The following PGCKA1 variants were observed in gnomAD, a reference collection of about 807,000 sequenced individuals.
PGCKA1 encodes the protein PDCD10 and GCKIII kinases associated 1.
chr4:37,509,392 A>T, the PGCKA1 span, among the ~76,000 whole-genome samples: 1 of 133,508 alleles, frequency 7.5e-6, no homozygotes, highest in Admixed American at 7.3e-5. Context: ...CGTTCCTCAC[A>T]TCCCAGACGG....
the PGCKA1 span, among the ~76,000 whole-genome samples, chr4:37,489,772 C>T: frequency 6.6e-6 from 1 of 152,154 alleles, no homozygotes. Context: ...AATGATTAGA[C>T]TCCTTGACTT....
At chr4:37,530,739 GACCTAAGCGGGCGGT>G in the PGCKA1 span, among the ~76,000 whole-genome samples, 16 of 152,078 alleles carry the variant, frequency 1.1e-4, no homozygotes, top group Non-Finnish European at 2.2e-4. Flanking sequence ...CACTTTGGGA[GACCTAAGCGGGCGGT>G]TCACTTGAGG....
chr4:37,576,590 G>C, the PGCKA1 span, among the ~76,000 whole-genome samples: 3 of 152,010 alleles, frequency 2.0e-5, no homozygotes, highest in African/African-American at 7.2e-5. Context: ...TTGTCTGATT[G>C]CTCTAGCTAG....
At chr4:37,587,663 T>C in the PGCKA1 span, among the ~76,000 whole-genome samples, 1 of 152,186 alleles carries the variant, frequency 6.6e-6, no homozygotes, top group Non-Finnish European at 1.5e-5. Context: ...GATTCTGTTT[T>C]GGCTTGTCTT....
At chr4:37,540,597 G>T in the PGCKA1 span, among the ~76,000 whole-genome samples, 1 of 152,168 alleles carries the variant, frequency 6.6e-6, no homozygotes, top group Non-Finnish European at 1.5e-5. Flanking sequence ...GCAAAGTAGT[G>T]GTTAACTTCT....
At chr4:37,496,586 G>A in the PGCKA1 span, among the ~76,000 whole-genome samples, 2 of 152,124 alleles carry the variant, frequency 1.3e-5, no homozygotes, top group African/African-American at 4.8e-5. Flanking sequence ...GGCCATTTGG[G>A]CTCTTTTTGG....
At chr4:37,535,373 G>C in the PGCKA1 span, among the ~76,000 whole-genome samples, 3 of 152,204 alleles carry the variant, frequency 2.0e-5, no homozygotes, top group Admixed American at 6.5e-5. Flanking sequence ...GGGTGACAGA[G>C]TGAGACCCTG....
At chr4:37,528,569 G>A in the PGCKA1 span, among the ~76,000 whole-genome samples, 2 of 152,146 alleles carry the variant, frequency 1.3e-5, no homozygotes, top group South Asian at 2.1e-4. Context: ...GAGGACAAAC[G>A]CCTGGCACTA....
the PGCKA1 span, among the ~76,000 whole-genome samples, chr4:37,478,142 ACC>A: frequency 3.4e-5 from 2 of 59,558 alleles, no homozygotes; most frequent in African/African-American, 1.1e-4. Flanking sequence ...TTTTAAAAAC[ACC>A]CCCCCCCACC....
the PGCKA1 span, among the ~76,000 whole-genome samples, chr4:37,494,512 A>C: frequency 1.3e-5 from 2 of 152,148 alleles, no homozygotes; most frequent in African/African-American, 4.8e-5. Context: ...AATTTTCTTT[A>C]TCCAGTCTGC....
chr4:37,541,518 C>A, the PGCKA1 span, among the ~76,000 whole-genome samples: 1 of 152,202 alleles, frequency 6.6e-6, no homozygotes, highest in Non-Finnish European at 1.5e-5. Context: ...CTACCAGCCC[C>A]TCTTAGGGGC....
chr4:37,575,615 G>A, the PGCKA1 span, among the ~76,000 whole-genome samples: 1 of 151,916 alleles, frequency 6.6e-6, no homozygotes, highest in Non-Finnish European at 1.5e-5. Flanking sequence ...TGTGATCTTT[G>A]TTGTCCATTG....
the PGCKA1 span, among the ~76,000 whole-genome samples, chr4:37,530,539 A>G: frequency 7.3e-6 from 1 of 136,932 alleles, no homozygotes; most frequent in Non-Finnish European, 1.5e-5. Flanking sequence ...ATGCCCCTGC[A>G]CTCCAGCCTG....
the PGCKA1 span, among the ~76,000 whole-genome samples, chr4:37,587,064 G>A: frequency 6.6e-6 from 1 of 152,174 alleles, no homozygotes; most frequent in Non-Finnish European, 1.5e-5. Flanking sequence ...GAGGCTCCAG[G>A]GGTGAATCTG....
chr4:37,554,486 T>C, the PGCKA1 span, among the ~76,000 whole-genome samples: 1 of 152,148 alleles, frequency 6.6e-6, no homozygotes, highest in Non-Finnish European at 1.5e-5. Flanking sequence ...TAGCTGGGAC[T>C]ACAGGCATGT....
chr4:37,490,027 A>G, the PGCKA1 span, among the ~76,000 whole-genome samples: 1 of 151,898 alleles, frequency 6.6e-6, no homozygotes, highest in Admixed American at 6.6e-5. Flanking sequence ...AAAAAAAAAG[A>G]AAAGAAAGAG....
the PGCKA1 span, among the ~76,000 whole-genome samples, chr4:37,497,304 A>G: frequency 6.6e-6 from 1 of 152,164 alleles, no homozygotes; most frequent in Non-Finnish European, 1.5e-5. Flanking sequence ...TCATATATAT[A>G]TATACCACAG....
At chr4:37,458,830 GA>G in the PGCKA1 span, among the ~76,000 whole-genome samples, 1 of 152,200 alleles carries the variant, frequency 6.6e-6, no homozygotes, top group African/African-American at 2.4e-5. Flanking sequence ...TTCAGGGAGG[GA>G]TGGAGAATCA....
chr4:37,481,288 T>C, the PGCKA1 span, among the ~76,000 whole-genome samples: 1 of 148,434 alleles, frequency 6.7e-6, no homozygotes, highest in African/African-American at 2.4e-5. Context: ...TGTGAAACCC[T>C]GTCTCTACTA....
Sources: gnomAD v4.1 joint callset for allele counts (sites outside exome capture counted in the v4.1 genomes callset) on GRCh38, gnomAD v4.1.1 for gene constraint, MANE v1.5 for transcripts, NCBI Gene and HGNC (gene_info 2026-07-23, HGNC 2026-07-21) for gene names.